RYR2: variants seen among roughly 807,000 people sequenced by gnomAD.
RYR2 encodes cardiac muscle ryanodine receptor-calcium release channel.
In RYR2, 227 loss-of-function variants were observed where a neutral mutation model predicts 601.1. The observed-to-expected ratio is 0.38, with a 90% CI of 0.34 to 0.42. RYR2 has a LOEUF of 0.42. Among genes scored for constraint, RYR2 ranks in the 10% least tolerant of loss-of-function variants. RYR2 has a pLI of 1.00. For missense variants in RYR2, 4,646 were observed against 6,156.5 expected (o/e 0.75, Z 8.21); for synonymous variants, 2,223 against 2,175.1 (o/e 1.02, Z -0.61).
chr1:237,343,510 G>A (rs923559270), intron 3 of RYR2, among the ~76,000 whole-genome samples: 1 of 151,996 alleles, frequency 6.6e-6, no homozygotes, highest in Non-Finnish European at 1.5e-5. Context: ...GCATTGTAGT[G>A]TATAAACACT....
chr1:237,564,100 T>G (rs1671728380), intron 27 of RYR2, among the ~76,000 whole-genome samples: 1 of 152,176 alleles, frequency 6.6e-6, no homozygotes, highest in South Asian at 2.1e-4. Flanking sequence ...TCTCCAAATT[T>G]TTGTGTAATT....
rs557115650 is a variant in RYR2, at chr1:237,160,457, A to T, written c.49-110040A>T. Among the ~76,000 whole-genome samples the T allele has an allele frequency of 2.0e-5, 3 of 152,320 alleles. No homozygotes were observed. The East Asian group carries it at 5.8e-4, about 29-fold the overall frequency. On this transcript the variant is annotated intron_variant, in intron 1 of 104. Transcript: ENST00000366574. ...ATTATCTAGATTTTGCCATCCTGAAAGACAATGACATTTCATTTTTATTTT... is the reference window on the plus strand; with the variant it reads ...ATTATCTAGATTTTGCCATCCTGAATGACAATGACATTTCATTTTTATTTT...
intron 1 of RYR2, among the ~76,000 whole-genome samples, chr1:237,155,433 C>T (rs1017403655): frequency 1.3e-5 from 2 of 151,950 alleles, no homozygotes; most frequent in African/African-American, 4.8e-5. Flanking sequence ...ACCTCCACCT[C>T]CCAAAGTGCT....
chr1:237,092,224 G>A (rs1437843710), intron 1 of RYR2, among the ~76,000 whole-genome samples: 1 of 152,148 alleles, frequency 6.6e-6, no homozygotes, highest in Non-Finnish European at 1.5e-5. Flanking sequence ...ATGTTACCTG[G>A]TGTGCCGTGT....
chr1:237,561,687 C>T lies in RYR2; in HGVS notation c.3215-4880C>T, dbSNP rs1169792222. On this transcript the variant is annotated intron_variant, in intron 27 of 104. Coordinates refer to ENST00000366574, the MANE Select transcript of RYR2 (RefSeq NM_001035.3). The stretch of plus-strand genomic sequence containing the variant: ...GGCAAAATATGGAATATCTTGCAAA[C>T]TCAGCTAAGAAATGTGGATAAATTT... Among the ~76,000 whole-genome samples, 6 of 152,118 alleles carry T rather than the reference C, an allele frequency of 3.9e-5. No homozygotes were observed. In the South Asian group the frequency reaches 1.0e-3, roughly 26 times the overall value.
chr1:237,641,497 C>CTTTCTTTCTT lies in RYR2; in HGVS notation c.7221+497_7221+506dup, dbSNP rs1553265009. 2.4e-3 allele frequency among the ~76,000 whole-genome samples: 270 copies of CTTTCTTTCTT among 112,466 alleles called. 2 individuals carry two copies. The highest frequency in any genetic ancestry group is 2.3e-3 in the Non-Finnish European group (124 of 53,342). The allele number at this position is 112,466 out of a possible 152,430, so 73.8% of individuals were successfully genotyped here. On this transcript the variant is annotated intron_variant, in intron 47 of 104. Coordinates refer to ENST00000366574, the MANE Select transcript of RYR2 (RefSeq NM_001035.3). Reference sequence around the variant, plus strand: ...TCTTTCTTTCTTTCTTTCTTTCTTTCTTTCTTTCTTTCTTTCTTTCTTTCT... The same window carrying CTTTCTTTCTT: ...TCTTTCTTTCTTTCTTTCTTTCTTTCTTTCTTTCTTTTTCTTTCTTTCTTTCTTTCTTTCT...
chr1:237,658,125 G>A, intron 54 of RYR2, 103 bp downstream of exon 54: 1 of 575,866 alleles, frequency 1.7e-6, no homozygotes, highest in Non-Finnish European at 2.8e-6. Flanking sequence ...ATGAGAACTT[G>A]ATCTAAATTA....
chr1:237,646,541 G>GAATGTTA (rs1280460500), intron 48 of RYR2, among the ~76,000 whole-genome samples: 16 of 152,192 alleles, frequency 1.1e-4, no homozygotes, highest in Admixed American at 7.2e-4. Context: ...AGTAATAATG[G>GAATGTTA]TTATTATACA....
intron 62 of RYR2, among the ~76,000 whole-genome samples, chr1:237,684,934 GAAAA>G (rs3035867): frequency 6.8e-6 from 1 of 147,688 alleles, no homozygotes; most frequent in Non-Finnish European, 1.5e-5. Context: ...TAATTAGAGA[GAAAA>G]AAAAAAATAC....
intron 2 of RYR2, among the ~76,000 whole-genome samples, chr1:237,320,021 G>A (rs1019906476): frequency 6.6e-6 from 1 of 152,146 alleles, no homozygotes; most frequent in Non-Finnish European, 1.5e-5. Context: ...CACATTAGTC[G>A]AGCTGTGGGG....
At chr1:237,639,277 C>G (rs964574229) in intron 46 of RYR2, 76 bp downstream of exon 46, 1 of 1,312,190 alleles carries the variant, frequency 7.6e-7, no homozygotes, top group African/African-American at 1.5e-5. Flanking sequence ...ATTCTGCATC[C>G]TATGAATTGT....
intron 12 of RYR2, among the ~76,000 whole-genome samples, chr1:237,428,505 C>T (rs1205249341): frequency 6.6e-6 from 1 of 151,726 alleles, no homozygotes; most frequent in Non-Finnish European, 1.5e-5. Context: ...GAACAGAAAA[C>T]CAAGTGCTAC....
chr1:237,124,830 A>G (rs1671234312), intron 1 of RYR2, among the ~76,000 whole-genome samples: 1 of 151,648 alleles, frequency 6.6e-6, no homozygotes, highest in African/African-American at 2.4e-5. Context: ...CCATCTCCCC[A>G]CCTTTTCCCC....
Position 237,042,498 on chromosome 1 carries a change from G to A in RYR2, c.-24G>A. ...CGAGCTCCGCGGGGCTCGGGAGCCG[G>A]CCCCGGCGAGGAGGCGCGGAACCAT... On this transcript the variant is annotated 5_prime_UTR_variant, in exon 1 of 105. Coordinates refer to ENST00000366574, the MANE Select transcript of RYR2 (RefSeq NM_001035.3). 8.0e-7 allele frequency: 1 copy of A among 1,247,120 alleles called. No individual in the cohort carries two copies. The highest frequency in any genetic ancestry group is 1.0e-6 in the Non-Finnish European group (1 of 987,366). 77.3% of individuals were successfully genotyped at this position (1,247,120 alleles called of 1,614,324 possible). A position where few individuals can be genotyped will look rare whatever the true frequency, so the allele number is the denominator to read the frequency against.
chr1:237,439,439 G>A (rs1463254707), intron 12 of RYR2, among the ~76,000 whole-genome samples: 2 of 152,066 alleles, frequency 1.3e-5, no homozygotes, highest in East Asian at 1.9e-4. Flanking sequence ...GAGTTCAGGC[G>A]TTTAAGACTA....
At chr1:237,322,202 G>A (rs1695690712) in intron 2 of RYR2, among the ~76,000 whole-genome samples, 1 of 152,124 alleles carries the variant, frequency 6.6e-6, no homozygotes, top group Non-Finnish European at 1.5e-5. Flanking sequence ...GAGATGGTTG[G>A]TATTTGTATG....
intron 78 of RYR2, 101 bp from the exon 79 acceptor site, chr1:237,733,603 CT>C (rs1690881782): frequency 5.3e-6 from 4 of 760,642 alleles, no homozygotes; most frequent in Non-Finnish European, 9.3e-6. Flanking sequence ...AAAAGGTATA[CT>C]TGTTAGAAAA....
At chr1:237,700,685 A>G (rs1195054002) in intron 65 of RYR2, among the ~76,000 whole-genome samples, 1 of 152,228 alleles carries the variant, frequency 6.6e-6, no homozygotes, top group East Asian at 1.9e-4. Flanking sequence ...GAGGACCAGT[A>G]AGGTACTGGT....
chr1:237,325,050 C>T (rs986200109), intron 2 of RYR2, among the ~76,000 whole-genome samples: 8 of 152,014 alleles, frequency 5.3e-5, no homozygotes, highest in South Asian at 2.1e-4. Flanking sequence ...CATCAAACAT[C>T]GAACATTTTC....
Sources: gnomAD v4.1 joint callset for allele counts (sites outside exome capture counted in the v4.1 genomes callset) on GRCh38, gnomAD v4.1.1 for gene constraint, MANE v1.5 for transcripts, NCBI Gene and HGNC (gene_info 2026-07-23, HGNC 2026-07-21) for gene names.